Variants in NINJ2 observed in about 807,000 individuals in gnomAD.
NINJ2 encodes the protein ninjurin 2.
In NINJ2, 12 loss-of-function variants were observed where a neutral mutation model predicts 11.7. The observed-to-expected ratio is 1.02, with a 90% confidence interval of 0.66 to 1.66. The LOEUF (loss-of-function observed/expected upper bound fraction) is 1.66. NINJ2 is among the 40% of genes most tolerant of loss of function. NINJ2 has a pLI of 0.00. For missense variants in NINJ2, 187 were observed against 181.8 expected, an observed-to-expected ratio of 1.03 and a Z score of -0.16; for synonymous variants, 93 against 76.8, an observed-to-expected ratio of 1.21 and a Z score of -1.10.
At chr12:656,758 A>C (rs552817804) in intron 1 of NINJ2, among the ~76,000 whole-genome samples, 3 of 152,018 alleles carry the variant, frequency 2.0e-5, no homozygotes, top group Admixed American at 2.0e-4. Context: ...CAAAAAAAAA[A>C]AAAAATTACT....
At chr12:620,506 G>A (rs1052625557) in intron 1 of NINJ2, among the ~76,000 whole-genome samples, 19 of 152,232 alleles carry the variant, frequency 1.2e-4, no homozygotes, top group African/African-American at 4.1e-4. Flanking sequence ...TAAGATACAT[G>A]TAAAAAGTAT....
At chr12:584,007 C>CA (rs2120845452) in intron 1 of NINJ2, among the ~76,000 whole-genome samples, 1 of 152,084 alleles carries the variant, frequency 6.6e-6, no homozygotes, top group Admixed American at 6.5e-5. Flanking sequence ...ATATTATTTT[C>CA]TTTTTTTGCT....
intron 1 of NINJ2, among the ~76,000 whole-genome samples, chr12:651,687 G>A (rs577479200): frequency 1.4e-4 from 21 of 152,312 alleles, no homozygotes; most frequent in African/African-American, 4.8e-4. Flanking sequence ...TATGCTAGGG[G>A]TGCTAACGAA....
intron 1 of NINJ2, among the ~76,000 whole-genome samples, chr12:627,808 GTGGTGCA>G (rs1565640823): frequency 1.3e-5 from 2 of 152,250 alleles, no homozygotes; most frequent in African/African-American, 4.8e-5. Flanking sequence ...CCTGGGCACA[GTGGTGCA>G]TGCCTGTAAT....
At chr12:613,841 C>G (rs1948062048) in intron 1 of NINJ2, among the ~76,000 whole-genome samples, 1 of 152,000 alleles carries the variant, frequency 6.6e-6, no homozygotes, top group South Asian at 2.1e-4. Context: ...GGAGATGGAG[C>G]TTGCAGTGAG....
At chr12:617,033 C>G (rs535342288) in intron 1 of NINJ2, among the ~76,000 whole-genome samples, 1 of 152,242 alleles carries the variant, frequency 6.6e-6, no homozygotes, top group African/African-American at 2.4e-5. Flanking sequence ...TGGTGAAACC[C>G]CGTCTCTACT....
Position 610,273 on chromosome 12 carries a change from C to T in NINJ2, c.34-44095G>A, listed in dbSNP as rs931219316. The T allele has an allele frequency of 4.5e-6, 6 of 1,320,090 alleles. No homozygotes were observed. The African/African-American group carries it at 7.3e-5, about 16-fold the overall frequency. 81.8% of individuals were successfully genotyped at this position (1,320,090 alleles called of 1,614,324 possible). On this transcript the variant is annotated intron_variant, in intron 1 of 3. Transcript: ENST00000305108. ...AAACAGCCCCTCTGGCAGCCCTCTT[C>T]ACCTGCCCAGTCCCCAGTGCCCAGC...
intron 1 of NINJ2, among the ~76,000 whole-genome samples, chr12:601,349 A>G (rs1387185728): frequency 2.1e-4 from 31 of 147,940 alleles, no homozygotes; most frequent in Admixed American, 1.9e-3. Flanking sequence ...GATCGAGACC[A>G]TCCTGGCTAA....
rs1948302608 is a variant in NINJ2, at chr12:633,073, G to T, written c.33+30255C>A. On this transcript the variant is annotated intron_variant, in intron 1 of 3. Coordinates refer to ENST00000305108, the MANE Select transcript of NINJ2 (RefSeq NM_016533.6). The surrounding 1 kb of genome is among the most constrained non-coding windows in gnomAD (Gnocchi z 4.3). Reference sequence around the variant, plus strand: ...GAAATATACCTCAGCCTGGCATTGGGCTTGGGGCAAAGATCTAGGACTTTC... The same window carrying T: ...GAAATATACCTCAGCCTGGCATTGGTCTTGGGGCAAAGATCTAGGACTTTC... Among the ~76,000 whole-genome samples, 1 of 152,134 alleles carries T rather than the reference G, an allele frequency of 6.6e-6. No individual in the cohort carries two copies. The highest frequency in any genetic ancestry group is 1.5e-5 in the Non-Finnish European group (1 of 68,010).
intron 1 of NINJ2, among the ~76,000 whole-genome samples, chr12:639,486 T>G (rs538386630): frequency 4.1e-5 from 2 of 48,232 alleles, no homozygotes; most frequent in South Asian, 9.3e-4. Flanking sequence ...GTGCTCTTCT[T>G]TTTTTCTATT....
At chr12:656,672 T>C (rs1211971609) in intron 1 of NINJ2, among the ~76,000 whole-genome samples, 2 of 151,002 alleles carry the variant, frequency 1.3e-5, no homozygotes, top group Non-Finnish European at 3.0e-5. Flanking sequence ...TCGCTTGAAC[T>C]TGGGAGGTGG....
chr12:615,449 G>A (rs11830105), intron 1 of NINJ2, among the ~76,000 whole-genome samples: 6 of 151,940 alleles, frequency 3.9e-5, no homozygotes, highest in Non-Finnish European at 7.4e-5. Context: ...TTAGCCGGGC[G>A]TAGTGGCGCA....
intron 1 of NINJ2, among the ~76,000 whole-genome samples, chr12:631,538 A>C (rs993942806): frequency 6.6e-6 from 1 of 151,778 alleles, no homozygotes; most frequent in Admixed American, 6.6e-5. Flanking sequence ...TAATTTTTAT[A>C]TTTTTAGTAC....
intron 1 of NINJ2, among the ~76,000 whole-genome samples, chr12:600,067 C>T (rs868541220): frequency 6.6e-6 from 1 of 152,194 alleles, no homozygotes; most frequent in Non-Finnish European, 1.5e-5. Context: ...TACTCCTTTA[C>T]TCCTTCCGAA....
chr12:627,968 A>C (rs933947433), intron 1 of NINJ2, among the ~76,000 whole-genome samples: 32 of 152,184 alleles, frequency 2.1e-4, no homozygotes, highest in African/African-American at 7.7e-4. Flanking sequence ...CAGCTAGGCC[A>C]AGTCCTTCCT....
intron 1 of NINJ2, among the ~76,000 whole-genome samples, chr12:649,114 T>G (rs1357913291): frequency 6.6e-6 from 1 of 151,988 alleles, no homozygotes; most frequent in Admixed American, 6.6e-5. Context: ...TGGCGCGATC[T>G]CGGCTCACTG....
chr12:613,584 A>G lies in NINJ2; in HGVS notation c.34-47406T>C, dbSNP rs571399255. ...AGATTGCGACATTACACTCCAGACT[A>G]GGAGACAGAACGAGACTCTGTCTCA... On this transcript the variant is annotated intron_variant, in intron 1 of 3. Transcript: ENST00000305108. Among the ~76,000 whole-genome samples the G allele has an allele frequency of 2.6e-5, 4 of 151,234 alleles. No homozygotes were observed. In the East Asian group the frequency reaches 7.9e-4, roughly 30 times the overall value.
chr12:565,420 G>A lies in NINJ2; in HGVS notation c.263-19C>T. 1.9e-6 allele frequency: 3 copies of A among 1,611,620 alleles called. No homozygotes were observed. Among genetic ancestry groups the A allele is most frequent in the African/African-American group, 1.3e-5 (1 of 75,028 alleles). On this transcript the variant is annotated intron_variant, in intron 2 of 3. Coordinates refer to ENST00000305108, the MANE Select transcript of NINJ2 (RefSeq NM_016533.6). Reference sequence around the variant, plus strand: ...AGCCGTGCTGCAGGGAAGTGGAGTGGGGGGAAAGGGTCAGAGACGGGGCCA... The same window carrying A: ...AGCCGTGCTGCAGGGAAGTGGAGTGAGGGGAAAGGGTCAGAGACGGGGCCA...
At chr12:658,672 TA>T (rs1937908907) in intron 1 of NINJ2, among the ~76,000 whole-genome samples, 1 of 135,396 alleles carries the variant, frequency 7.4e-6, no homozygotes, top group Non-Finnish European at 1.6e-5. Context: ...TATGCTATGC[TA>T]TGCTATGCTA....
Sources: allele counts gnomAD v4.1 joint callset (sites outside exome capture counted in the v4.1 genomes callset), GRCh38; gene constraint gnomAD v4.1.1; non-coding constraint Gnocchi (gnomAD v3.1); transcripts MANE v1.5; gene names NCBI Gene and HGNC (gene_info 2026-07-23, HGNC 2026-07-21).